The following LRP1 variants were observed in gnomAD, a reference collection of about 807,000 sequenced individuals.
The protein encoded by LRP1 is LDL receptor related protein 1, also known as prolow-density lipoprotein receptor-related protein 1.
LRP1 carries 51 observed loss-of-function variants against 541.5 expected under a neutral mutation model. The observed-to-expected ratio is 0.09, with a 90% CI of 0.08 to 0.12. LRP1 has a LOEUF of 0.12. Among genes scored for constraint, LRP1 ranks in the 10% least tolerant of loss-of-function variants. The probability of loss-of-function intolerance (pLI) is 1.00; values close to 1 mark genes in which losing one functional copy is unlikely to be tolerated. For synonymous variants in LRP1, 2,219 were observed against 2,470.8 expected, an observed-to-expected ratio of 0.90 and a Z score of 3.02; for missense variants, 3,878 against 6,376.2, an observed-to-expected ratio of 0.61 and a Z score of 13.34.
In LRP1 at chr12:57,201,327, CAT is replaced by C. The variant is rs1379960406; in HGVS notation, c.10346-168_10346-167del. ...AAAATCATCATGCATGATATAGAGA[CAT>C]AGAGATCCAGAAAACAAAAAGCACC... is the stretch of plus-strand genomic sequence containing the variant. On this transcript the variant is annotated intron_variant, in intron 65 of 88. Coordinates refer to ENST00000243077, the MANE Select transcript of LRP1 (RefSeq NM_002332.3). This position sits in a 1 kb window ranked among gnomAD's most constrained non-coding sequence, Gnocchi z 6.4. Among the ~76,000 whole-genome samples the C allele has an allele frequency of 2.6e-4, 40 of 152,258 alleles. No homozygotes were observed. The highest frequency in any genetic ancestry group is 3.4e-3 in the Middle Eastern group (1 of 294).
At position 57,156,108 on chromosome 12, in the gene LRP1, C is replaced by T. The variant is rs151237352; in HGVS notation, c.1242C>T (p.Tyr414=). The T allele has an allele frequency of 3.2e-5, 51 of 1,613,826 alleles. No individual in the cohort carries two copies. The highest frequency in any genetic ancestry group is 2.4e-4 in the African/African-American group (18 of 74,906). ...IIQGILIEHL[Y]GLTVFENYLY... is the part of the protein sequence containing the mutation. ...GCCCGTCTCAGATTGAGCACCTGTA[C>T]GGCCTGACTGTGTTTGAGAATTATC... Residue 414 remains tyrosine, a synonymous_variant, in exon 9 of 89, where the codon TAC becomes TAT. Transcript: ENST00000243077. The surrounding 1 kb of genome is among the most constrained non-coding windows in gnomAD (Gnocchi z 5.2).
At chr12:57,191,228 T>TA (rs2136719483) in intron 43 of LRP1, 92 bp from the exon 44 acceptor site, 1 of 1,310,038 alleles carries the variant, frequency 7.6e-7, no homozygotes, top group East Asian at 2.5e-5. Flanking sequence ...CCTCATTCTG[T>TA]AGCTGTCAGA....
intron 33 of LRP1, 41 bp from the exon 34 acceptor site, chr12:57,181,116 G>A (rs367868185): frequency 3.1e-6 from 5 of 1,598,286 alleles, no homozygotes; most frequent in Non-Finnish European, 4.3e-6. Context: ...TCCCAAGGAG[G>A]GCCACCTAAC....
At chr12:57,191,632 ATCC>A in intron 44 of LRP1, 120 bp downstream of exon 44, 6 of 795,726 alleles carry the variant, frequency 7.5e-6, no homozygotes, top group Non-Finnish European at 1.1e-5. Flanking sequence ...ACACACACAC[ATCC>A]CACACATACT....
chr12:57,209,070 T>C lies in LRP1; in HGVS notation c.12146-13T>C, dbSNP rs2036851615. 6.2e-7 allele frequency: 1 copy of C among 1,604,228 alleles called. No individual in the cohort carries two copies. The highest frequency in any genetic ancestry group is 8.5e-7 in the Non-Finnish European group (1 of 1,171,736). On this transcript the variant is annotated splice_polypyrimidine_tract_variant and intron_variant, in intron 78 of 88. Transcript: ENST00000243077. ...GGGAGGCCAAGCTCTCACAGTGCTC[T>C]CTCTCTCCCCAGGCCTGGCCGTGGA...
chr12:57,193,918 C>T lies in LRP1; in HGVS notation c.7824C>T (p.Gly2608=), dbSNP rs367824154. The T allele has an allele frequency of 1.4e-5, 22 of 1,613,862 alleles. No homozygotes were observed. The East Asian group carries it at 2.2e-4, about 16-fold the overall frequency. Residue 2608 remains glycine (G), a synonymous_variant, in exon 48 of 89, where the codon GGC becomes GGT. Transcript: ENST00000243077. ...IPCNKTACGV[G]EFRCRDGTCI... ...TTCTAGAGACAGCCTGTGGTGTGGG[C>T]GAGTTCCGCTGCCGGGACGGGACCT...
rs770604358 is a variant in LRP1 at position 57,204,654 on chromosome 12, C to T, written c.11099C>T (p.Pro3700Leu). The change falls in exon 72 of 89, where the codon CCC (proline) becomes CTC (leucine). Residue 3700 changes from proline (P) to leucine (L), a missense_variant. Physicochemically the swap from Pro to Leu is moderately conservative, Grantham distance 98 (BLOSUM62 -3). Coordinates refer to ENST00000243077, the MANE Select transcript of LRP1 (RefSeq NM_002332.3). This position sits in a 1 kb window ranked among gnomAD's most constrained non-coding sequence, Gnocchi z 5.3. ...CARFVCPPNR[P>L]FRCKNDRVCL... ...CGGTTCGTGTGCCCTCCCAACCGGC[C>T]CTTCCGTTGCAAGAATGACCGCGTC... The T allele has an allele frequency of 6.2e-7, 1 of 1,614,024 alleles. No homozygotes were observed. The highest frequency in any genetic ancestry group is 8.5e-7 in the Non-Finnish European group (1 of 1,180,040).
chr12:57,130,575 G>A (rs1480156234), intron 1 of LRP1, among the ~76,000 whole-genome samples: 2 of 152,082 alleles, frequency 1.3e-5, no homozygotes, highest in East Asian at 1.9e-4. Flanking sequence ...AAGGGAAATC[G>A]AGGCAGGGAG....
At chr12:57,167,420 T>C in intron 18 of LRP1, 24 bp from the exon 19 acceptor site, 1 of 1,565,460 alleles carries the variant, frequency 6.4e-7, no homozygotes, top group South Asian at 1.1e-5. Context: ...AAGGCCCTAC[T>C]CAGCTACTCT....
Position 57,173,746 on chromosome 12 carries a change from G to A in LRP1, c.3347-34G>A, listed in dbSNP as rs779572922. 1.2e-5 allele frequency: 19 copies of A among 1,610,942 alleles called. No homozygotes were observed. Among genetic ancestry groups the A allele is most frequent in the East Asian group, 6.7e-5 (3 of 44,872 alleles). On this transcript the variant is annotated intron_variant, in intron 21 of 88. Coordinates refer to ENST00000243077, the MANE Select transcript of LRP1 (RefSeq NM_002332.3). This position sits in a 1 kb window ranked among gnomAD's most constrained non-coding sequence, Gnocchi z 4.7. ...AAGGGCAGGGGGAGCCCCAGTCCCC[G>A]GGCCTGGGCCCTCATAGTGCACCTG...
intron 78 of LRP1, 34 bp downstream of exon 78, chr12:57,208,851 G>T: frequency 6.4e-7 from 1 of 1,553,978 alleles, no homozygotes. Flanking sequence ...GGACGGGCAT[G>T]GAGGGGGCCC....
At position 57,191,008 on chromosome 12, in the gene LRP1, A is replaced by G; in HGVS notation, c.7235A>G (p.Tyr2412Cys). The change falls in exon 43 of 89, where the codon TAT becomes TGT. Residue 2412 changes from tyrosine (Y) to cysteine (C), a missense_variant and splice_region_variant. This residue lies in a region of LRP1 where 1,100 missense variants were observed against 1,827.4 expected (regional missense o/e 0.60). Transcript: ENST00000243077. ...TGCGAGTATGACGGCTCCCACCGCTATGTGAGTCTGCGGGGTGGGTGAGCT... is the reference window on the plus strand; with the variant it reads ...TGCGAGTATGACGGCTCCCACCGCTGTGTGAGTCTGCGGGGTGGGTGAGCT... ...ERCEYDGSHR[Y>C]VILKSEPVHP... 6.2e-7 allele frequency: 1 copy of G among 1,609,682 alleles called. No individual in the cohort carries two copies. The highest frequency in any genetic ancestry group is 8.5e-7 in the Non-Finnish European group (1 of 1,179,626).
chr12:57,211,337 G>A lies in LRP1; in HGVS notation c.13078G>A (p.Asp4360Asn), dbSNP rs2136757806. 1 of 1,613,960 alleles carries A rather than the reference G, an allele frequency of 6.2e-7. No homozygotes were observed. The highest frequency in any genetic ancestry group is 8.5e-7 in the Non-Finnish European group (1 of 1,180,004). The change falls in exon 84 of 89, where the codon GAT becomes AAT. Residue 4360 changes from aspartate (D) to asparagine (N), a missense_variant. Coordinates refer to ENST00000243077, the MANE Select transcript of LRP1 (RefSeq NM_002332.3). The surrounding 1 kb of genome is among the most constrained non-coding windows in gnomAD (Gnocchi z 4.3). Reference sequence around the variant, plus strand: ...CTGTGTGGTCAACAAGCAGAGTGGGGATGTCACCTGCAAGTGAGTGGGGCC... The same window carrying A: ...CTGTGTGGTCAACAAGCAGAGTGGGAATGTCACCTGCAAGTGAGTGGGGCC... ...GACVVNKQSG[D>N]VTCNCTDGRV...
intron 20 of LRP1, among the ~76,000 whole-genome samples, chr12:57,170,284 A>G (rs1023631356): frequency 1.3e-5 from 2 of 152,226 alleles, no homozygotes; most frequent in East Asian, 1.9e-4. Context: ...ACTATTTCCA[A>G]ATAAAGTCAT....
intron 4 of LRP1, 140 bp downstream of exon 4, chr12:57,143,938 C>T: frequency 3.6e-6 from 4 of 1,122,386 alleles, no homozygotes; most frequent in Non-Finnish European, 4.9e-6. Context: ...TGCCACCACC[C>T]CAGGGCATGA....
intron 3 of LRP1, among the ~76,000 whole-genome samples, chr12:57,143,273 C>T (rs2035334053): frequency 1.3e-5 from 2 of 152,302 alleles, no homozygotes; most frequent in Admixed American, 6.5e-5. Context: ...CGATTCCATG[C>T]CCACTTTTCA....
At chr12:57,145,161 G>A in intron 5 of LRP1, 61 bp downstream of exon 5, 2 of 1,613,352 alleles carry the variant, frequency 1.2e-6, no homozygotes, top group Non-Finnish European at 1.7e-6. Context: ...GTTCCCTGGT[G>A]GGTGGTGGCC....
chr12:57,150,971 G>T (rs1447107450), intron 6 of LRP1, among the ~76,000 whole-genome samples: 2 of 151,948 alleles, frequency 1.3e-5, no homozygotes, highest in Non-Finnish European at 2.9e-5. Context: ...TGGGGATGTG[G>T]ATAGAGGTCC....
rs199656095 is a variant in LRP1, at chr12:57,185,748, C to T, written c.6681C>T (p.Phe2227=). ...ERNLNAPVQP[F]EDPEHMKNVI... ...ACCTCAATGCGCCCGTGCAGCCCTTCGAGGACCCTGAGCACATGAAGAACG... is the reference window on the plus strand; with the variant it reads ...ACCTCAATGCGCCCGTGCAGCCCTTTGAGGACCCTGAGCACATGAAGAACG... Residue 2227 remains phenylalanine, a synonymous_variant, in exon 41 of 89, where the codon TTC becomes TTT. Coordinates refer to ENST00000243077, the MANE Select transcript of LRP1 (RefSeq NM_002332.3). The surrounding 1 kb of genome is among the most constrained non-coding windows in gnomAD (Gnocchi z 4.9). 33 of 1,614,220 alleles carry T rather than the reference C, an allele frequency of 2.0e-5. No individual in the cohort carries two copies. The African/African-American group carries it at 2.9e-4, about 14-fold the overall frequency.
Sources: allele counts gnomAD v4.1 joint callset (sites outside exome capture counted in the v4.1 genomes callset), GRCh38; gene constraint gnomAD v4.1.1; regional missense constraint gnomAD v4.1.1; non-coding constraint Gnocchi (gnomAD v3.1); transcripts MANE v1.5; gene names NCBI Gene and HGNC (gene_info 2026-07-23, HGNC 2026-07-21).